TASP1: variants seen among roughly 807,000 people sequenced by gnomAD.
TASP1 encodes the protein threonine aspartase 1.
In TASP1, 16 loss-of-function variants were observed where a neutral mutation model predicts 56.6. That is an observed-to-expected ratio of 0.28 (90% CI 0.19 to 0.43). The LOEUF is 0.43. TASP1 is among the 20% of genes least tolerant of loss of function. The pLI, the probability that TASP1 is intolerant of heterozygous loss-of-function variation, is 1.00. For synonymous variants in TASP1, 179 were observed against 184.2 expected, an observed-to-expected ratio of 0.97 and a Z score of 0.23; for missense variants, 393 against 511.6, an observed-to-expected ratio of 0.77 and a Z score of 2.24.
At chr20:13,588,242 AAAGGAAGAAAGGAAGGAAGGAAGGAAGG>A (rs2047379798) in intron 4 of TASP1, among the ~76,000 whole-genome samples, 3 of 130,720 alleles carry the variant, frequency 2.3e-5, no homozygotes, top group African/African-American at 8.9e-5. Flanking sequence ...AGAAAGAAAG[AAAGGAAGAAAGGAAGGAAGGAAGGAAGG>A]AAGGAAGGAA....
At chr20:13,637,891 T>C (rs1003038955) in intron 1 of TASP1, among the ~76,000 whole-genome samples, 3 of 152,214 alleles carry the variant, frequency 2.0e-5, no homozygotes, top group Non-Finnish European at 2.9e-5. Flanking sequence ...TTATGGTGCA[T>C]GAATACCTTA....
At chr20:13,131,364 G>A in the TASP1 span, among the ~76,000 whole-genome samples, 1 of 152,070 alleles carries the variant, frequency 6.6e-6, no homozygotes, top group African/African-American at 2.4e-5. Flanking sequence ...CTCCATGAAT[G>A]GCAAGTCACT....
At chr20:13,117,464 G>C in the TASP1 span, 1 of 1,518,704 alleles carries the variant, frequency 6.6e-7, no homozygotes, top group Non-Finnish European at 8.9e-7. Flanking sequence ...AGCTTCCCAG[G>C]AGGGTATTTG....
At chr20:13,603,827 G>A (rs1464699381) in intron 4 of TASP1, among the ~76,000 whole-genome samples, 1 of 152,040 alleles carries the variant, frequency 6.6e-6, no homozygotes, top group African/African-American at 2.4e-5. Flanking sequence ...CTAGACTTTT[G>A]GACTTCCATG....
chr20:13,348,985 C>T, the TASP1 span, among the ~76,000 whole-genome samples: 11 of 152,260 alleles, frequency 7.2e-5, no homozygotes, highest in African/African-American at 1.2e-4. Context: ...TAGAGCAGTA[C>T]GGTTAACTTC....
the TASP1 span, among the ~76,000 whole-genome samples, chr20:13,209,293 T>C: frequency 8.5e-5 from 13 of 152,184 alleles, no homozygotes; most frequent in East Asian, 5.8e-4. Context: ...GGTGTTTTTG[T>C]TAAGTAGCAT....
At chr20:13,253,995 A>G in the TASP1 span, among the ~76,000 whole-genome samples, 1 of 149,862 alleles carries the variant, frequency 6.7e-6, no homozygotes, top group South Asian at 2.1e-4. Context: ...AGGTGAGCGG[A>G]TCACTTGAGG....
intron 9 of TASP1, among the ~76,000 whole-genome samples, chr20:13,532,802 C>T (rs536122272): frequency 1.3e-5 from 2 of 152,318 alleles, no homozygotes; most frequent in East Asian, 3.9e-4. Flanking sequence ...GCTTTTCTCT[C>T]ACCTTCTCTA....
chr20:13,530,891 T>A (rs1029244422), intron 9 of TASP1, among the ~76,000 whole-genome samples: 2 of 152,216 alleles, frequency 1.3e-5, no homozygotes, highest in African/African-American at 4.8e-5. Flanking sequence ...ATTTTTAAAA[T>A]CTTACTTCTT....
chr20:13,291,061 C>T, the TASP1 span, among the ~76,000 whole-genome samples: 1 of 152,218 alleles, frequency 6.6e-6, no homozygotes, highest in Non-Finnish European at 1.5e-5. Context: ...CTGTTGTTTT[C>T]TCTTCCAGAG....
the TASP1 span, among the ~76,000 whole-genome samples, chr20:13,272,622 C>G: frequency 2.0e-5 from 3 of 152,190 alleles, no homozygotes; most frequent in Admixed American, 2.0e-4. Flanking sequence ...GCACAGAAAT[C>G]ACTACAAGCC....
the TASP1 span, among the ~76,000 whole-genome samples, chr20:13,227,405 G>A: frequency 1.0e-4 from 15 of 149,344 alleles, no homozygotes; most frequent in African/African-American, 2.7e-4. Context: ...GGGTTTCACC[G>A]TGTTAGCTAG....
At chr20:13,495,854 G>A (rs1219577873) in intron 10 of TASP1, among the ~76,000 whole-genome samples, 1 of 151,956 alleles carries the variant, frequency 6.6e-6, no homozygotes, top group African/African-American at 2.4e-5. Context: ...TCTCTCTCAG[G>A]TCATGAGAAA....
intron 9 of TASP1, among the ~76,000 whole-genome samples, chr20:13,530,522 G>A (rs1010578567): frequency 1.3e-5 from 2 of 152,178 alleles, no homozygotes; most frequent in African/African-American, 4.8e-5. Context: ...ATCAATGGAA[G>A]GACCCATTCT....
chr20:13,361,592 G>C, the TASP1 span, among the ~76,000 whole-genome samples: 1 of 152,118 alleles, frequency 6.6e-6, no homozygotes, highest in African/African-American at 2.4e-5. Context: ...TTAAGCTCCT[G>C]TATAGACGCC....
At chr20:13,123,696 C>T in the TASP1 span, among the ~76,000 whole-genome samples, 5,141 of 152,296 alleles carry the variant, frequency 0.034, 129 homozygotes, top group South Asian at 0.08. Context: ...CCATAAGATG[C>T]CATCCTTATT....
intron 13 of TASP1, chr20:13,392,738 C>T: frequency 1.7e-6 from 1 of 579,556 alleles, no homozygotes; most frequent in Non-Finnish European, 3.3e-6. Context: ...ACCAGGGCTG[C>T]TTTTAACTCT....
At chr20:13,413,632 G>A (rs6134868) in intron 13 of TASP1, among the ~76,000 whole-genome samples, 1 of 152,142 alleles carries the variant, frequency 6.6e-6, no homozygotes, top group African/African-American at 2.4e-5. Flanking sequence ...TATAAACCAA[G>A]GGTGATATTT....
At chr20:13,375,489 G>A in the TASP1 span, among the ~76,000 whole-genome samples, 1 of 152,056 alleles carries the variant, frequency 6.6e-6, no homozygotes, top group Non-Finnish European at 1.5e-5. Context: ...ATCATTGATG[G>A]GCATCTGAGT....
Sources: allele counts gnomAD v4.1 joint callset (sites outside exome capture counted in the v4.1 genomes callset), GRCh38; gene constraint gnomAD v4.1.1; transcripts MANE v1.5; gene names NCBI Gene and HGNC (gene_info 2026-07-23, HGNC 2026-07-21).